The following PHF21B variants were observed in gnomAD, a reference collection of about 807,000 sequenced individuals.
PHF21B encodes PHD finger protein 21B.
Under a neutral mutation model 62.2 loss-of-function variants are expected in PHF21B, and 22 were observed. The ratio of observed to expected loss-of-function variants is 0.35; its 90% CI spans 0.25 to 0.51. The LOEUF is 0.51. Among genes scored for constraint, PHF21B ranks in the 20% least tolerant of loss-of-function variants. The probability of loss-of-function intolerance (pLI) is 0.97; values close to 1 mark genes in which losing one functional copy is unlikely to be tolerated. For synonymous variants in PHF21B, 341 were observed against 314.7 expected (o/e 1.08, Z -0.88); for missense variants, 701 against 707.9 (o/e 0.99, Z 0.11).
rs151012602 is a variant in PHF21B at position 44,988,060 on chromosome 22, TG to T, written c.120+20484del. Among the ~76,000 whole-genome samples, 407 of 152,346 alleles carry T rather than the reference TG, an allele frequency of 2.7e-3. 4 individuals carry two copies. The highest frequency in any genetic ancestry group is 9.3e-3 in the African/African-American group (387 of 41,570). On this transcript the variant is annotated intron_variant, in intron 2 of 12. Coordinates refer to ENST00000313237, the MANE Select transcript of PHF21B (RefSeq NM_138415.5). Reference sequence around the variant, plus strand: ...ATCCCTGGAGGATTTGGTCAGCGTTTGTCAAACTTATTTAGGAAGCAGAGCC... The same window carrying T: ...ATCCCTGGAGGATTTGGTCAGCGTTTTCAAACTTATTTAGGAAGCAGAGCC...
At position 44,913,858 on chromosome 22, in the gene PHF21B, C is replaced by T. The variant is rs1220754597; in HGVS notation, c.795G>A (p.Lys265=). The T allele has an allele frequency of 6.2e-7, 1 of 1,614,052 alleles. No homozygotes were observed. The highest frequency in any genetic ancestry group is 1.1e-5 in the South Asian group (1 of 91,052). The change falls in exon 5 of 13, where the codon AAG becomes AAA. Residue 265 remains lysine, a synonymous_variant. Coordinates refer to ENST00000313237, the MANE Select transcript of PHF21B (RefSeq NM_138415.5). Reference sequence around the variant, plus strand: ...CCTGGGTCGGGGGCCGGTCTTCCTTCTTCTTTTTGGTGGCCTGAGCTCCCT... The same window carrying T: ...CCTGGGTCGGGGGCCGGTCTTCCTTTTTCTTTTTGGTGGCCTGAGCTCCCT... ...PSQGAQATKK[K]KEDRPPTQEN... is the part of the protein sequence containing the mutation.
intron 2 of PHF21B, among the ~76,000 whole-genome samples, chr22:44,976,423 C>T (rs2072739406): frequency 6.6e-6 from 1 of 152,232 alleles, no homozygotes; most frequent in African/African-American, 2.4e-5. Flanking sequence ...CTATTCCTCC[C>T]ACCTAACTGT....
rs543328979 is a variant in PHF21B, at chr22:44,979,120, A to C, written c.120+29425T>G. 2.0e-4 allele frequency among the ~76,000 whole-genome samples: 31 copies of C among 152,318 alleles called. 1 individual carries two copies. The highest frequency in any genetic ancestry group is 6.7e-4 in the African/African-American group (28 of 41,570). On this transcript the variant is annotated intron_variant, in intron 2 of 12. Transcript: ENST00000313237. ...AGGCAGCTCCAGCTGCAGCCCCCTA[A>C]GGGTAGACCACATCTGGTTCATTCT...
chr22:44,961,801 C>A (rs1253056271), intron 2 of PHF21B, among the ~76,000 whole-genome samples: 1 of 151,660 alleles, frequency 6.6e-6, no homozygotes, highest in African/African-American at 2.4e-5. Flanking sequence ...AGGTTGCGCG[C>A]ACCACTGCAA....
intron 6 of PHF21B, among the ~76,000 whole-genome samples, chr22:44,895,754 G>C (rs1287793215): frequency 6.6e-6 from 1 of 152,206 alleles, no homozygotes; most frequent in African/African-American, 2.4e-5. Context: ...TAGTCATGGA[G>C]CCAGGGCGAG....
At chr22:44,949,023 C>A (rs987725048) in intron 2 of PHF21B, among the ~76,000 whole-genome samples, 1 of 152,148 alleles carries the variant, frequency 6.6e-6, no homozygotes, top group African/African-American at 2.4e-5. Flanking sequence ...GAGGTAGGGG[C>A]CGGGCGCGGT....
intron 2 of PHF21B, chr22:44,971,136 GT>G (rs1239891864): frequency 8.5e-5 from 13 of 152,190 alleles, no homozygotes; most frequent in Non-Finnish European, 1.5e-5. Flanking sequence ...AATAATCTGT[GT>G]TTTGGAAGGA....
intron 3 of PHF21B, among the ~76,000 whole-genome samples, chr22:44,917,393 CAG>C (rs1028302728): frequency 2.6e-5 from 4 of 152,162 alleles, no homozygotes; most frequent in Admixed American, 2.6e-4. Context: ...CCACACCCAG[CAG>C]AGTGTTTCTG....
At chr22:44,974,008 C>A (rs1332403454) in intron 2 of PHF21B, among the ~76,000 whole-genome samples, 1 of 152,214 alleles carries the variant, frequency 6.6e-6, no homozygotes, top group South Asian at 2.1e-4. Context: ...CCTGGCCAGG[C>A]TGACACTCCT....
chr22:45,006,368 T>C (rs2073314097), intron 2 of PHF21B, among the ~76,000 whole-genome samples: 2 of 152,194 alleles, frequency 1.3e-5, no homozygotes, highest in Admixed American at 6.5e-5. Context: ...TCTTTCTTTT[T>C]AAACACACAC....
chr22:44,902,657 T>C (rs887198479), intron 5 of PHF21B, among the ~76,000 whole-genome samples: 1 of 152,218 alleles, frequency 6.6e-6, no homozygotes, highest in Non-Finnish European at 1.5e-5. Context: ...CACTTAGCCA[T>C]CTCTTCCATA....
At chr22:44,913,514 A>T (rs1356536277) in intron 5 of PHF21B, among the ~76,000 whole-genome samples, 1 of 152,224 alleles carries the variant, frequency 6.6e-6, no homozygotes, top group African/African-American at 2.4e-5. Context: ...CAGATGAGCA[A>T]ACAGACGCGA....
intron 2 of PHF21B, among the ~76,000 whole-genome samples, chr22:44,965,378 G>A (rs1261257337): frequency 1.3e-5 from 2 of 151,732 alleles, no homozygotes; most frequent in Non-Finnish European, 2.9e-5. Context: ...CACTACACTA[G>A]CCACCTGCAC....
At chr22:44,917,640 T>A (rs538970897) in intron 3 of PHF21B, among the ~76,000 whole-genome samples, 2 of 152,194 alleles carry the variant, frequency 1.3e-5, no homozygotes, top group Non-Finnish European at 2.9e-5. Flanking sequence ...CTGAGGTGCA[T>A]AATGGAGCCT....
At chr22:44,973,641 A>G (rs2072680632) in intron 2 of PHF21B, among the ~76,000 whole-genome samples, 1 of 151,994 alleles carries the variant, frequency 6.6e-6, no homozygotes, top group East Asian at 1.9e-4. Context: ...CTCCAAGTGA[A>G]TACTGGAGAA....
chr22:44,916,501 TG>T lies in PHF21B; in HGVS notation c.342del (p.Thr115ProfsTer29). 1 of 1,592,488 alleles carries T rather than the reference TG, an allele frequency of 6.3e-7. No individual in the cohort carries two copies. On this transcript the variant is annotated frameshift_variant, in exon 4 of 13. Transcript: ENST00000313237. LOFTEE classifies it high-confidence loss of function. ...ACATGGCTGACAGTGTTGTTGGCGG[TG>T]GGGAGGGCTGGGCTGGGGTTCTTGA... ...VSVKNPSPAL[P>X]TANNTVSHVP...
rs2073392290 is a variant in PHF21B at position 45,009,836 on chromosome 22, G to A, written c.-287C>T. On this transcript the variant is annotated 5_prime_UTR_variant, in exon 1 of 13. Coordinates refer to ENST00000313237, the MANE Select transcript of PHF21B (RefSeq NM_138415.5). The surrounding 1 kb of genome is among the most constrained non-coding windows in gnomAD (Gnocchi z 5.9). Reference sequence around the variant, plus strand: ...GCGCGGCCCGGAGCATGGCCCCCCCGGCGCCGGGAGCCCCGCGCAGCCCCG... The same window carrying A: ...GCGCGGCCCGGAGCATGGCCCCCCCAGCGCCGGGAGCCCCGCGCAGCCCCG... 1 of 147,258 alleles carries A rather than the reference G, an allele frequency of 6.8e-6. No individual in the cohort carries two copies. Among genetic ancestry groups the A allele is most frequent in the Admixed American group, 6.8e-5 (1 of 14,728 alleles). 9.1% of individuals were successfully genotyped at this position (147,258 alleles called of 1,614,324 possible). A position where few individuals can be genotyped will look rare whatever the true frequency, so the allele number is the denominator to read the frequency against.
chr22:45,008,706 G>A (rs1362548847), intron 1 of PHF21B, 96 bp from the exon 2 acceptor site: 9 of 1,190,590 alleles, frequency 7.6e-6, no homozygotes, highest in East Asian at 3.6e-5. Context: ...GGAGCCCCAC[G>A]GGCGGGGCCG....
At chr22:44,990,672 G>T (rs139411167) in intron 2 of PHF21B, among the ~76,000 whole-genome samples, 448 of 152,338 alleles carry the variant, frequency 2.9e-3, no homozygotes, top group Non-Finnish European at 4.8e-3. Context: ...AGGAGCCTGG[G>T]GAGGAAGGAA....
Sources: allele counts gnomAD v4.1 joint callset (sites outside exome capture counted in the v4.1 genomes callset), GRCh38; gene constraint gnomAD v4.1.1; non-coding constraint Gnocchi (gnomAD v3.1); transcripts MANE v1.5; gene names NCBI Gene and HGNC (gene_info 2026-07-23, HGNC 2026-07-21).